Variants in CTBP2 observed in about 807,000 individuals in gnomAD.
CTBP2 encodes C-terminal binding protein 2.
Under a neutral mutation model 80.3 loss-of-function variants are expected in CTBP2, and 30 were observed. The ratio of observed to expected loss-of-function variants is 0.37; its 90% confidence interval spans 0.28 to 0.51. The LOEUF is 0.51. CTBP2 is among the 20% of genes least tolerant of loss of function. The pLI, the probability that CTBP2 is intolerant of heterozygous loss-of-function variation, is 0.93. For missense variants in CTBP2, 1,212 were observed against 1,375.3 expected (o/e 0.88, Z 1.88); for synonymous variants, 594 against 587.4 (o/e 1.01, Z -0.16).
At chr10:124,997,343 G>GATCTC in intron 4 of CTBP2, 2 of 154,436 alleles carry the variant, frequency 1.3e-5, no homozygotes, top group Admixed American at 6.3e-5. Context: ...ATGGTGAGCA[G>GATCTC]GGTGGGGACC....
chr10:125,125,122 G>A (rs1331115510), intron 1 of CTBP2, among the ~76,000 whole-genome samples: 6 of 152,320 alleles, frequency 3.9e-5, no homozygotes, highest in East Asian at 1.9e-4. Flanking sequence ...ATCCTCTCAT[G>A]ATTCTTCCAG....
chr10:125,023,790 T>C (rs1267285041), intron 1 of CTBP2, among the ~76,000 whole-genome samples: 3 of 151,590 alleles, frequency 2.0e-5, no homozygotes, highest in Non-Finnish European at 4.4e-5. Flanking sequence ...ACATTAAAAA[T>C]AGCCAAAGCA....
intron 1 of CTBP2, among the ~76,000 whole-genome samples, chr10:125,017,296 G>A (rs1365399226): frequency 6.6e-6 from 1 of 152,192 alleles, no homozygotes; most frequent in East Asian, 1.9e-4. Context: ...CAGCGCTGAT[G>A]CCGCTTCTTT....
At chr10:125,064,264 C>CT (rs2135384832) in intron 2 of CTBP2, among the ~76,000 whole-genome samples, 1 of 152,316 alleles carries the variant, frequency 6.6e-6, no homozygotes, top group Non-Finnish European at 1.5e-5. Context: ...CATTTGTCCC[C>CT]TGTCCATTAG....
chr10:125,126,194 T>C (rs990064129), intron 1 of CTBP2, among the ~76,000 whole-genome samples: 2 of 152,210 alleles, frequency 1.3e-5, no homozygotes, highest in Non-Finnish European at 2.9e-5. Flanking sequence ...TGTCCAACTA[T>C]GTGACCTCAG....
chr10:125,084,907 G>A (rs192076314), intron 2 of CTBP2, among the ~76,000 whole-genome samples: 42 of 152,334 alleles, frequency 2.8e-4, no homozygotes, highest in Non-Finnish European at 4.0e-4. Flanking sequence ...ACAGCCATGA[G>A]TTCCGCCGTC....
intron 2 of CTBP2, among the ~76,000 whole-genome samples, chr10:125,060,784 G>C (rs959086361): frequency 3.9e-5 from 6 of 152,374 alleles, no homozygotes; most frequent in African/African-American, 1.2e-4. Flanking sequence ...CACACGGGCA[G>C]GCTTCCCCAG....
chr10:125,002,136 T>G (rs1323620003), intron 3 of CTBP2, among the ~76,000 whole-genome samples: 1 of 152,110 alleles, frequency 6.6e-6, no homozygotes, highest in African/African-American at 2.4e-5. Context: ...CCTCATGAAT[T>G]TGGGGCACCT....
rs1400863355 is a variant in CTBP2, at chr10:124,993,999, G to A, written c.2401-14C>T. ...TCCCTGCCTCATCTGTGGAAGGAAA[G>A]AAAAGCCGGTTACAGGCACACTGGC... is the stretch of plus-strand genomic sequence containing the variant. On this transcript the variant is annotated splice_polypyrimidine_tract_variant and intron_variant, in intron 5 of 8. Coordinates refer to ENST00000309035, the MANE Select transcript of CTBP2 (RefSeq NM_022802.3). 1 of 1,613,654 alleles carries A rather than the reference G, an allele frequency of 6.2e-7. No homozygotes were observed. The highest frequency in any genetic ancestry group is 8.5e-7 in the Non-Finnish European group (1 of 1,179,862).
At chr10:125,074,830 G>A (rs1208635916) in intron 2 of CTBP2, among the ~76,000 whole-genome samples, 2 of 152,220 alleles carry the variant, frequency 1.3e-5, no homozygotes, top group Non-Finnish European at 2.9e-5. Context: ...TTCCTCATCA[G>A]CTACAGGTTT....
At chr10:125,078,279 CAA>C (rs1214515506) in intron 2 of CTBP2, among the ~76,000 whole-genome samples, 10,246 of 79,732 alleles carry the variant, frequency 0.13, 367 homozygotes, top group East Asian at 0.31. Flanking sequence ...GACTCCGTCT[CAA>C]AAAAAAAAAA....
At chr10:125,122,272 G>GGTAGCA (rs1328319211) in intron 1 of CTBP2, among the ~76,000 whole-genome samples, 1 of 152,166 alleles carries the variant, frequency 6.6e-6, no homozygotes, top group African/African-American at 2.4e-5. Flanking sequence ...TGTTCATGAG[G>GGTAGCA]GTAGCAATTC....
chr10:125,071,890 C>T (rs1564849981), intron 2 of CTBP2, among the ~76,000 whole-genome samples: 3 of 152,022 alleles, frequency 2.0e-5, no homozygotes, highest in Admixed American at 2.0e-4. Context: ...AATCTGGCAA[C>T]TGTTGTTGAG....
At chr10:125,065,922 C>T (rs145220177) in intron 2 of CTBP2, among the ~76,000 whole-genome samples, 5 of 152,006 alleles carry the variant, frequency 3.3e-5, no homozygotes, top group African/African-American at 9.6e-5. Flanking sequence ...GGCAACATGG[C>T]GAAACCCTGT....
At chr10:124,999,895 G>T (rs1165004635) in intron 3 of CTBP2, 1 of 152,360 alleles carries the variant, frequency 6.6e-6, no homozygotes, top group East Asian at 1.9e-4. Flanking sequence ...CCCCGCAGCA[G>T]AATCACCCTC....
At chr10:125,103,187 A>T (rs1470540817) in intron 2 of CTBP2, among the ~76,000 whole-genome samples, 1 of 152,104 alleles carries the variant, frequency 6.6e-6, no homozygotes, top group Non-Finnish European at 1.5e-5. Flanking sequence ...GCTAACACAG[A>T]ACCAACCCAG....
chr10:125,142,627 A>G lies in CTBP2; in HGVS notation c.-206+17692T>C, dbSNP rs188806726. 2.6e-3 allele frequency among the ~76,000 whole-genome samples: 394 copies of G among 152,346 alleles called. 1 individual carries two copies. The highest frequency in any genetic ancestry group is 4.9e-3 in the Non-Finnish European group (330 of 68,028). ...GTTTTACTGTATATAAGTTATTTCT[A>G]CATAGGATTTTGAAAACTTGATCCT... On this transcript the variant is annotated intron_variant, in intron 1 of 10. Coordinates refer to the CTBP2 transcript ENST00000337195.
At chr10:125,155,362 C>T (rs1238824262) in intron 1 of CTBP2, among the ~76,000 whole-genome samples, 2 of 152,026 alleles carry the variant, frequency 1.3e-5, no homozygotes, top group African/African-American at 2.4e-5. Context: ...TGGCCTGGCT[C>T]TCTCCCTATT....
Position 124,994,529 on chromosome 10 carries a change from G to A in CTBP2, c.2340C>T (p.Ser780=), listed in dbSNP as rs1487231587. 6.2e-7 allele frequency: 1 copy of A among 1,613,926 alleles called. No individual in the cohort carries two copies. Among genetic ancestry groups the A allele is most frequent in the Non-Finnish European group, 8.5e-7 (1 of 1,179,886 alleles). Reference sequence around the variant, plus strand: ...TATGTTCGTTGAGATTGCAGTGCAAGGAGACGCAGTCGCTCTGATACAGCA... The same window carrying A: ...TATGTTCGTTGAGATTGCAGTGCAAAGAGACGCAGTCGCTCTGATACAGCA... The change falls in exon 5 of 9, where the codon TCC becomes TCT. Residue 780 remains serine (S), a synonymous_variant. Transcript: ENST00000309035.
Sources: allele counts gnomAD v4.1 joint callset (sites outside exome capture counted in the v4.1 genomes callset), GRCh38; gene constraint gnomAD v4.1.1; transcripts MANE v1.5; gene names NCBI Gene and HGNC (gene_info 2026-07-23, HGNC 2026-07-21).